POLA2: variants seen among roughly 807,000 people sequenced by gnomAD.
POLA2 encodes DNA polymerase alpha 2, accessory subunit.
In POLA2, 47 loss-of-function variants were observed where a neutral mutation model predicts 82.8. The ratio of observed to expected loss-of-function variants is 0.57; its 90% CI spans 0.45 to 0.72. POLA2 has a LOEUF of 0.72. Ranked by LOEUF, POLA2 falls within the 30% of genes least tolerant of loss-of-function variation. The probability of loss-of-function intolerance (pLI) is 0.00; values close to 1 mark genes in which losing one functional copy is unlikely to be tolerated. For missense variants in POLA2, 634 were observed against 728.1 expected, an observed-to-expected ratio of 0.87 and a Z score of 1.49; for synonymous variants, 287 against 286.8, an observed-to-expected ratio of 1.00 and a Z score of -0.01.
In POLA2 at chr11:65,294,600, G is replaced by T. The variant is rs748072614; in HGVS notation, c.1408G>T (p.Gly470Cys). Residue 470 changes from glycine (G) to cysteine (C), a missense_variant, in exon 15 of 18, where the codon GGC becomes TGC. Physicochemically the swap from Gly to Cys is radical, Grantham distance 159. Transcript: ENST00000265465. ...CCTCTCCATAAACGGAGTGATCTTC[G>T]GCTTGACATCCACAGATCTGCTTTT... ...CSLSINGVIF[G>C]LTSTDLLFHL... The T allele has an allele frequency of 6.2e-7, 1 of 1,613,900 alleles. No homozygotes were observed. The highest frequency in any genetic ancestry group is 1.3e-5 in the African/African-American group (1 of 74,894).
chr11:65,287,798 G>T lies in POLA2; in HGVS notation c.1089G>T (p.Leu363=). The T allele has an allele frequency of 6.2e-7, 1 of 1,613,836 alleles. No individual in the cohort carries two copies. Among genetic ancestry groups the T allele is most frequent in the Non-Finnish European group, 8.5e-7 (1 of 1,179,936 alleles). The change falls in exon 11 of 18, where the codon CTG becomes CTT. Residue 363 remains leucine, a synonymous_variant. Coordinates refer to ENST00000265465, the MANE Select transcript of POLA2 (RefSeq NM_002689.4). The stretch of plus-strand genomic sequence containing the variant: ...TCACGTATGACCCCCTGCTTGACCT[G>T]ATTGCTGTCATCAACCATGACCGGC... ...DSITYDPLLD[L]IAVINHDRPD... is the part of the protein sequence containing the mutation.
intron 10 of POLA2, among the ~76,000 whole-genome samples, chr11:65,284,136 T>C (rs996245435): frequency 1.4e-5 from 2 of 139,462 alleles, no homozygotes; most frequent in African/African-American, 6.1e-5. Context: ...ACTAGATAGA[T>C]AGATAGATAG....
At chr11:65,275,828 C>CTA in intron 4 of POLA2, 64 bp from the exon 5 acceptor site, 1 of 906,602 alleles carries the variant, frequency 1.1e-6, no homozygotes, top group South Asian at 1.5e-5. Flanking sequence ...TTCCAAGGTA[C>CTA]TATACACTTA....
At chr11:65,288,520 T>TG (rs1050746581) in intron 11 of POLA2, among the ~76,000 whole-genome samples, 4 of 148,516 alleles carry the variant, frequency 2.7e-5, no homozygotes, top group Non-Finnish European at 4.5e-5. Context: ...TTGTTTTTTT[T>TG]TTTTTTTTTG....
rs772955772 is a variant in POLA2, at chr11:65,278,703, A to G, written c.462-27A>G. 3 of 1,583,668 alleles carry G rather than the reference A, an allele frequency of 1.9e-6. No homozygotes were observed. The South Asian group carries it at 3.4e-5, about 18-fold the overall frequency. On this transcript the variant is annotated intron_variant, in intron 5 of 17. Transcript: ENST00000265465. Reference sequence around the variant, plus strand: ...TCTCCCTTTAGATATGAACACAGTAATATTAACCTGTTTTGCTTCCAATTA... The same window carrying G: ...TCTCCCTTTAGATATGAACACAGTAGTATTAACCTGTTTTGCTTCCAATTA...
chr11:65,264,948 C>T (rs534806441), intron 1 of POLA2, among the ~76,000 whole-genome samples: 18 of 152,268 alleles, frequency 1.2e-4, no homozygotes, highest in African/African-American at 4.1e-4. Flanking sequence ...TCAAAAGGGT[C>T]GGCCGGGTGC....
At chr11:65,272,486 C>A (rs1372251652) in intron 4 of POLA2, among the ~76,000 whole-genome samples, 2 of 152,156 alleles carry the variant, frequency 1.3e-5, no homozygotes, top group Admixed American at 6.6e-5. Flanking sequence ...GACAGCTGTT[C>A]TTTTGCTTCC....
Position 65,282,064 on chromosome 11 carries a change from A to C in POLA2, c.963+332A>C, listed in dbSNP as rs150137500. On this transcript the variant is annotated intron_variant, in intron 9 of 17. Transcript: ENST00000265465. ...TTATTTAAATAGTGGGCTGCAGCCA[A>C]ATTTGGCCCAGAGGCCGAAAGGTTA... Among the ~76,000 whole-genome samples, 546 of 152,316 alleles carry C rather than the reference A, an allele frequency of 3.6e-3. 4 individuals are homozygous for C. The highest frequency in any genetic ancestry group is 0.012 in the African/African-American group (512 of 41,576).
In POLA2 at chr11:65,266,863, T is replaced by C. The variant is rs578198598; in HGVS notation, c.204+157T>C. On this transcript the variant is annotated intron_variant, in intron 2 of 17. Transcript: ENST00000265465. ...ACAAACTATGTCCCTGAGCCTCAGT[T>C]TCCTTTTCTGACATTGGGTCTAATA... is the stretch of plus-strand genomic sequence containing the variant. 3.3e-5 allele frequency among the ~76,000 whole-genome samples: 5 copies of C among 152,346 alleles called. No individual in the cohort carries two copies. In the East Asian group the frequency reaches 9.6e-4, roughly 29 times the overall value.
downstream of POLA2, among the ~76,000 whole-genome samples, chr11:65,299,166 T>A (rs1196230611): frequency 6.6e-6 from 1 of 152,210 alleles, no homozygotes; most frequent in Admixed American, 6.5e-5. Context: ...GGCGTGTCAG[T>A]GACGGAGGGT....
intron 4 of POLA2, among the ~76,000 whole-genome samples, chr11:65,273,854 A>T (rs1015360347): frequency 2.0e-5 from 3 of 152,048 alleles, no homozygotes; most frequent in African/African-American, 7.2e-5. Context: ...GGAAAAAAAA[A>T]ACTCTTCTGA....
intron 17 of POLA2, 146 bp downstream of exon 17, chr11:65,296,136 G>T: frequency 1.2e-6 from 1 of 812,966 alleles, no homozygotes; most frequent in East Asian, 2.5e-5. Context: ...TTTCTTTGGG[G>T]AGGTGGTGGG....
intron 8 of POLA2, among the ~76,000 whole-genome samples, chr11:65,304,533 T>G (rs2137624891): frequency 6.7e-6 from 1 of 149,576 alleles, no homozygotes; most frequent in South Asian, 2.1e-4. Context: ...CAATGGAAAA[T>G]GGACATGAAC....
intron 17 of POLA2, 49 bp downstream of exon 17, chr11:65,296,039 G>C (rs754557429): frequency 6.2e-7 from 1 of 1,611,462 alleles, no homozygotes; most frequent in Admixed American, 1.7e-5. Flanking sequence ...CCCAGTCTTT[G>C]ACTTTCCCTT....
intron 3 of POLA2, 27 bp from the exon 4 acceptor site, chr11:65,268,645 A>G (rs1193517183): frequency 7.2e-6 from 11 of 1,518,552 alleles, no homozygotes; most frequent in Non-Finnish European, 9.1e-6. Flanking sequence ...CCCAGCCATT[A>G]TTGTTTTTCT....
chr11:65,262,462 A>G, intron 1 of POLA2, 91 bp downstream of exon 1: 1 of 1,005,924 alleles, frequency 9.9e-7, no homozygotes, highest in South Asian at 1.5e-5. Flanking sequence ...AGCGCTTCCA[A>G]TTTCCACTTC....
rs185786621 is a variant in POLA2, at chr11:65,273,855, A to C, written c.355-2037A>C. 5.3e-3 allele frequency among the ~76,000 whole-genome samples: 803 copies of C among 151,900 alleles called. 4 individuals are homozygous for C. Among genetic ancestry groups the C allele is most frequent in the African/African-American group, 0.017 (715 of 41,398 alleles). On this transcript the variant is annotated intron_variant, in intron 4 of 17. Transcript: ENST00000265465. Reference sequence around the variant, plus strand: ...AATTCTCCCTAGGGGGAAAAAAAAAACTCTTCTGAAGAAATAATTCAAATT... The same window carrying C: ...AATTCTCCCTAGGGGGAAAAAAAAACCTCTTCTGAAGAAATAATTCAAATT...
intron 4 of POLA2, among the ~76,000 whole-genome samples, chr11:65,269,945 C>T (rs904597001): frequency 1.3e-5 from 2 of 152,184 alleles, no homozygotes; most frequent in African/African-American, 2.4e-5. Flanking sequence ...AGCAATTCTG[C>T]CTCAGCCTCC....
intron 16 of POLA2, 98 bp downstream of exon 16, chr11:65,295,697 C>A: frequency 7.5e-7 from 1 of 1,332,524 alleles, no homozygotes; most frequent in Non-Finnish European, 1.1e-6. Flanking sequence ...AGGCTACCAG[C>A]AGGGAACTTT....
Sources: gnomAD v4.1 joint callset for allele counts (sites outside exome capture counted in the v4.1 genomes callset) on GRCh38, gnomAD v4.1.1 for gene constraint, MANE v1.5 for transcripts, NCBI Gene and HGNC (gene_info 2026-07-23, HGNC 2026-07-21) for gene names.